ZNF536: variants seen among roughly 807,000 people sequenced by gnomAD.
ZNF536 encodes zinc finger protein 536.
In ZNF536, 13 loss-of-function variants were observed where a neutral mutation model predicts 84.5. That is an observed-to-expected ratio of 0.15 (90% CI 0.10 to 0.24). ZNF536 has a LOEUF of 0.24. ZNF536 is among the 10% of genes least tolerant of loss of function. The pLI is 1.00. For missense variants in ZNF536, 1,536 were observed against 1,747.5 expected, an observed-to-expected ratio of 0.88 and a Z score of 2.16; for synonymous variants, 811 against 742.5, an observed-to-expected ratio of 1.09 and a Z score of -1.50.
rs371964833 is a variant in ZNF536 at position 30,548,714 on chromosome 19, A to G, written c.3095A>G (p.Asp1032Gly). Residue 1032 changes from aspartate to glycine, a missense_variant, in exon 4 of 5, where the codon GAT becomes GGT. Physicochemically the swap from Asp to Gly is moderately conservative, Grantham distance 94. Around this residue, in one of 8 missense-constraint regions of ZNF536, gnomAD observed 624 missense variants for 603.1 expected, o/e 1.03. Coordinates refer to ENST00000355537, the MANE Select transcript of ZNF536 (RefSeq NM_014717.3). ...ANHLGKAKRK[D>G]NTIGVTVNCK... ...CACCTGGGCAAAGCGAAACGCAAAG[A>G]TAACACCATCGGGGTCACAGTCAAC... 1.9e-6 allele frequency: 3 copies of G among 1,613,992 alleles called. No homozygotes were observed. Among genetic ancestry groups the G allele is most frequent in the South Asian group, 2.2e-5 (2 of 91,080 alleles).
intron 2 of ZNF536, among the ~76,000 whole-genome samples, chr19:30,347,729 C>T (rs1238048404): frequency 3.9e-5 from 6 of 152,162 alleles, no homozygotes; most frequent in East Asian, 3.8e-4. Context: ...ACACCCAGAA[C>T]GAATCCTCCC....
At chr19:30,355,085 A>G (rs1282688546) in intron 3 of ZNF536, among the ~76,000 whole-genome samples, 1 of 152,186 alleles carries the variant, frequency 6.6e-6, no homozygotes, top group Non-Finnish European at 1.5e-5. Context: ...AGGCTGGGTG[A>G]TTTATAAAGA....
At chr19:30,480,657 T>A (rs2054041967) in intron 2 of ZNF536, among the ~76,000 whole-genome samples, 1 of 152,140 alleles carries the variant, frequency 6.6e-6, no homozygotes, top group Non-Finnish European at 1.5e-5. Flanking sequence ...ATGGCACATG[T>A]ATACCTATGT....
At chr19:30,517,757 G>T (rs2044143446) in intron 2 of ZNF536, among the ~76,000 whole-genome samples, 1 of 151,998 alleles carries the variant, frequency 6.6e-6, no homozygotes, top group African/African-American at 2.4e-5. Context: ...ATTCCAGCCT[G>T]GGCAACAGAG....
intron 1 of ZNF536, among the ~76,000 whole-genome samples, chr19:30,582,065 G>A (rs1401023112): frequency 2.0e-5 from 3 of 152,188 alleles, no homozygotes; most frequent in Non-Finnish European, 2.9e-5. Context: ...GAGGGTCCGC[G>A]GTCCTGCTTC....
Position 30,361,315 on chromosome 19 carries a change from T to A in ZNF536, c.-3+8831T>A, listed in dbSNP as rs542960004. ...CTGCTACTGCTGCTGGATTTTCTTC[T>A]CTTTCCTTCCTTCTTTTTTTCTCTT... On this transcript the variant is annotated intron_variant, in intron 3 of 5. Transcript: ENST00000585628. Among the ~76,000 whole-genome samples, 24 of 152,348 alleles carry A rather than the reference T, an allele frequency of 1.6e-4. No individual in the cohort carries two copies. The South Asian group carries it at 4.8e-3, about 30-fold the overall frequency.
chr19:30,369,491 C>T (rs1197501916), upstream of ZNF536, among the ~76,000 whole-genome samples: 1 of 152,164 alleles, frequency 6.6e-6, no homozygotes, highest in Non-Finnish European at 1.5e-5. Flanking sequence ...TTGAGTCCGA[C>T]CCGTCTGCGA....
intron 2 of ZNF536, among the ~76,000 whole-genome samples, chr19:30,493,530 A>G (rs2054594803): frequency 6.6e-6 from 1 of 152,218 alleles, no homozygotes; most frequent in South Asian, 2.1e-4. Context: ...AGACCAAGAG[A>G]AAGAAGAAAA....
intron 1 of ZNF536, among the ~76,000 whole-genome samples, chr19:30,691,031 G>C (rs1055395844): frequency 1.3e-5 from 2 of 152,148 alleles, no homozygotes; most frequent in Admixed American, 6.5e-5. Flanking sequence ...TGCTGCTTAC[G>C]GTCTGAGCTA....
chr19:30,519,306 G>A (rs1320735683), intron 2 of ZNF536, among the ~76,000 whole-genome samples: 1 of 152,192 alleles, frequency 6.6e-6, no homozygotes, highest in African/African-American at 2.4e-5. Flanking sequence ...GCTGGGGCAG[G>A]TGTGGACAGG....
intron 3 of ZNF536, among the ~76,000 whole-genome samples, chr19:30,365,127 A>G (rs1176700549): frequency 3.3e-5 from 5 of 152,250 alleles, no homozygotes; most frequent in Admixed American, 1.3e-4. Flanking sequence ...TGAAATGAAC[A>G]CGTAATTATC....
At position 30,429,801 on chromosome 19, in the gene ZNF536, C is replaced by G. The variant is rs139118219; in HGVS notation, c.-2-13760C>G. Among the ~76,000 whole-genome samples, 1,123 of 152,156 alleles carry G rather than the reference C, an allele frequency of 7.4e-3. 13 individuals carry two copies. Among genetic ancestry groups the G allele is most frequent in the African/African-American group, 0.026 (1,074 of 41,482 alleles). On this transcript the variant is annotated intron_variant, in intron 1 of 4. Coordinates refer to ENST00000355537, the MANE Select transcript of ZNF536 (RefSeq NM_014717.3). ...GAATGAGTATTTGCATGAGCAAGTA[C>G]GAGAATGCTGAAAGTAGCTAGGGAG...
At chr19:30,594,037 T>A (rs2047363008) in intron 1 of ZNF536, among the ~76,000 whole-genome samples, 1 of 152,228 alleles carries the variant, frequency 6.6e-6, no homozygotes, top group Non-Finnish European at 1.5e-5. Context: ...CCACGTGGAA[T>A]GTCTTCCATG....
intron 1 of ZNF536, among the ~76,000 whole-genome samples, chr19:30,241,248 G>A (rs983612105): frequency 2.0e-5 from 3 of 152,204 alleles, no homozygotes; most frequent in African/African-American, 7.2e-5. Context: ...AACCCAGTTC[G>A]AGCCTACAGT....
intron 2 of ZNF536, among the ~76,000 whole-genome samples, chr19:30,314,491 C>A (rs1251309990): frequency 6.6e-6 from 1 of 152,198 alleles, no homozygotes; most frequent in Non-Finnish European, 1.5e-5. Flanking sequence ...CTGTCCTCCA[C>A]CCTTGTGGCT....
intron 1 of ZNF536, among the ~76,000 whole-genome samples, chr19:30,608,411 C>T (rs1040338832): frequency 9.2e-5 from 14 of 152,008 alleles, no homozygotes; most frequent in African/African-American, 1.2e-4. Flanking sequence ...ATGTGAGACC[C>T]GGGAGACTTG....
At chr19:30,227,902 G>A (rs2022712944), upstream of ZNF536, among the ~76,000 whole-genome samples, 2 of 151,988 alleles carry the variant, frequency 1.3e-5, no homozygotes, top group South Asian at 4.1e-4. Flanking sequence ...GCGGGGATGG[G>A]CGCGGGAAGC....
chr19:30,486,681 A>C (rs1599551767), intron 2 of ZNF536, among the ~76,000 whole-genome samples: 2 of 152,310 alleles, frequency 1.3e-5, no homozygotes, highest in East Asian at 3.9e-4. Context: ...CTCCACACTG[A>C]CTTCCTCAAT....
intron 1 of ZNF536, among the ~76,000 whole-genome samples, chr19:30,563,260 T>C (rs1006799874): frequency 1.3e-5 from 2 of 152,192 alleles, no homozygotes; most frequent in African/African-American, 4.8e-5. Context: ...ATGGCCCATC[T>C]GGGATTCTTC....
Sources: allele counts gnomAD v4.1 joint callset (sites outside exome capture counted in the v4.1 genomes callset), GRCh38; gene constraint gnomAD v4.1.1; regional missense constraint gnomAD v4.1.1; transcripts MANE v1.5; gene names NCBI Gene and HGNC (gene_info 2026-07-23, HGNC 2026-07-21).